Variants in FLRT2 observed in about 807,000 individuals in gnomAD.
FLRT2 encodes the protein leucine-rich repeat transmembrane protein FLRT2.
FLRT2 carries 15 observed loss-of-function variants against 40.0 expected under a neutral mutation model. The ratio of observed to expected loss-of-function variants is 0.38; its 90% CI spans 0.25 to 0.58. FLRT2 has a LOEUF of 0.58. Among genes scored for constraint, FLRT2 ranks in the 20% least tolerant of loss-of-function variants. FLRT2 has a pLI of 0.71. For missense variants in FLRT2, 726 were observed against 840.0 expected, an observed-to-expected ratio of 0.86 and a Z score of 1.68; for synonymous variants, 380 against 336.8, an observed-to-expected ratio of 1.13 and a Z score of -1.41.
intron 1 of FLRT2, among the ~76,000 whole-genome samples, chr14:85,608,250 GAC>G (rs1892712616): frequency 6.6e-6 from 1 of 150,574 alleles, no homozygotes; most frequent in Admixed American, 6.6e-5. Context: ...TCTTTTTTGA[GAC>G]AGAGTCTCAC....
At chr14:85,560,312 C>G (rs548070660) in intron 1 of FLRT2, among the ~76,000 whole-genome samples, 3 of 152,250 alleles carry the variant, frequency 2.0e-5, no homozygotes, top group Non-Finnish European at 4.4e-5. Context: ...GGCGCAGTGG[C>G]TCATGACTGT....
intron 1 of FLRT2, among the ~76,000 whole-genome samples, chr14:85,549,441 T>C (rs528297770): frequency 1.9e-4 from 29 of 152,260 alleles, no homozygotes; most frequent in Middle Eastern, 3.4e-3. Flanking sequence ...TTGAGAGCTG[T>C]GGGCTGAGTA....
chr14:85,621,570 G>A lies in FLRT2; in HGVS notation c.56G>A (p.Trp19Ter). The A allele has an allele frequency of 6.2e-7, 1 of 1,613,662 alleles. No homozygotes were observed. The highest frequency in any genetic ancestry group is 8.5e-7 in the Non-Finnish European group (1 of 1,179,966). Residue 19 changes from tryptophan to a stop codon, truncating the protein, a stop_gained, in exon 2 of 2, where the codon TGG (tryptophan) becomes TAG (stop). Transcript: ENST00000330753. LOFTEE classifies it high-confidence loss of function. ...PSHGAFFLKS[W>*]LIISLGLYSQ... ...CATGGGGCTTTTTTCCTGAAGTCTTGGCTTATCATTTCCCTGGGGCTCTAC... is the reference window on the plus strand; with the variant it reads ...CATGGGGCTTTTTTCCTGAAGTCTTAGCTTATCATTTCCCTGGGGCTCTAC...
intron 1 of FLRT2, among the ~76,000 whole-genome samples, chr14:85,534,914 A>G (rs1335051453): frequency 6.9e-6 from 1 of 145,648 alleles, no homozygotes; most frequent in African/African-American, 2.6e-5. Context: ...TATTATGATC[A>G]TTATTTATTC....
chr14:85,605,386 T>C lies in FLRT2; in HGVS notation c.-376-15753T>C, dbSNP rs571430563. ...AAGGCTGATAGAACCATGATATACA[T>C]TTGAAAACTTATATAGTGTACATGT... is the stretch of plus-strand genomic sequence containing the variant. On this transcript the variant is annotated intron_variant, in intron 1 of 1. Transcript: ENST00000330753. Among the ~76,000 whole-genome samples, 13 of 152,316 alleles carry C rather than the reference T, an allele frequency of 8.5e-5. No homozygotes were observed. The South Asian group carries it at 2.7e-3, about 32-fold the overall frequency.
In FLRT2 at chr14:85,635,428, T is replaced by TAA. The variant is rs1893976768; in HGVS notation, c.*11932_*11933dup. On this transcript the variant is annotated 3_prime_UTR_variant, in exon 2 of 2. Coordinates refer to ENST00000330753, the MANE Select transcript of FLRT2 (RefSeq NM_013231.6). ...AACAAGGAAATACAAACTATATTAC[T>TAA]AAGTAGACTATTAATAAAACACTTT... 1.3e-5 allele frequency: 2 copies of TAA among 152,122 alleles called. No individual in the cohort carries two copies. The highest frequency in any genetic ancestry group is 1.3e-4 in the Admixed American group (2 of 15,268). The allele number at this position is 152,122 out of a possible 1,614,324, so 9.4% of individuals were successfully genotyped here.
chr14:85,536,343 T>C (rs1044301116), intron 1 of FLRT2, among the ~76,000 whole-genome samples: 1 of 152,162 alleles, frequency 6.6e-6, no homozygotes, highest in Non-Finnish European at 1.5e-5. Flanking sequence ...TTGAGCTTTG[T>C]ACTTTACAAG....
At chr14:85,578,505 G>A (rs927822617) in intron 1 of FLRT2, among the ~76,000 whole-genome samples, 2 of 152,038 alleles carry the variant, frequency 1.3e-5, no homozygotes, top group African/African-American at 4.8e-5. Context: ...AGGACGGATG[G>A]CTAAGTGCTG....
chr14:85,623,547 A>C lies in FLRT2; in HGVS notation c.*50A>C, dbSNP rs1893529889. 7.3e-7 allele frequency: 1 copy of C among 1,368,014 alleles called. No homozygotes were observed. Among genetic ancestry groups the C allele is most frequent in the African/African-American group, 1.5e-5 (1 of 68,540 alleles). 84.7% of individuals were successfully genotyped at this position (1,368,014 alleles called of 1,614,324 possible). ...GGCGGACAATTAGACTCTTGAGAAC[A>C]CACTCGTGTGTGCACATAAAGACAC... is the stretch of plus-strand genomic sequence containing the variant. On this transcript the variant is annotated 3_prime_UTR_variant, in exon 2 of 2. Transcript: ENST00000330753.
intron 1 of FLRT2, among the ~76,000 whole-genome samples, chr14:85,565,698 A>T (rs184954954): frequency 6.6e-6 from 1 of 152,304 alleles, no homozygotes; most frequent in East Asian, 1.9e-4. Context: ...TCGAGTTGTC[A>T]TGCTTGAAAG....
In FLRT2 at chr14:85,641,098, C is replaced by T. The variant is rs539179476; in HGVS notation, c.*17601C>T. On this transcript the variant is annotated 3_prime_UTR_variant, in exon 2 of 2. Coordinates refer to ENST00000330753, the MANE Select transcript of FLRT2 (RefSeq NM_013231.6). ...GTATTTAGTCTATGACTTATTTCTG[C>T]GAAAACCCACGAAAGTGAAAACTAA... is the stretch of plus-strand genomic sequence containing the variant. 4 of 152,222 alleles carry T rather than the reference C, an allele frequency of 2.6e-5. No homozygotes were observed. The highest frequency in any genetic ancestry group is 2.1e-4 in the South Asian group (1 of 4,816). 9.4% of individuals were successfully genotyped at this position (152,222 alleles called of 1,614,324 possible).
chr14:85,623,282 G>A lies in FLRT2; in HGVS notation c.1768G>A (p.Glu590Lys), dbSNP rs751520518. The A allele has an allele frequency of 3.3e-6, 5 of 1,516,892 alleles. No homozygotes were observed. Among genetic ancestry groups the A allele is most frequent in the South Asian group, 1.3e-5 (1 of 74,806 alleles). The allele number at this position is 1,516,892 out of a possible 1,614,324, so 94.0% of individuals were successfully genotyped here. Residue 590 changes from glutamate to lysine, a missense_variant, in exon 2 of 2, where the codon GAG becomes AAG. By Grantham distance (56) the Glu-to-Lys change is moderately conservative. This residue lies in a region of FLRT2 where 611 missense variants were observed against 690.0 expected (regional missense o/e 0.89). Coordinates refer to ENST00000330753, the MANE Select transcript of FLRT2 (RefSeq NM_013231.6). ...NRGRRKDDYCEAGTKKDNSIL... is the reference protein window; with the variant it reads ...NRGRRKDDYCKAGTKKDNSIL... ...GGGCCGGCGGAAAGATGATTATTGC[G>A]AGGCAGGCACCAAGAAGGACAACTC...
chr14:85,535,029 C>T (rs1407470350), intron 1 of FLRT2, among the ~76,000 whole-genome samples: 1 of 152,194 alleles, frequency 6.6e-6, no homozygotes, highest in Non-Finnish European at 1.5e-5. Flanking sequence ...AGTTAGCTAA[C>T]CAAGTGTAAG....
chr14:85,588,720 A>AT (rs971378296), intron 1 of FLRT2, among the ~76,000 whole-genome samples: 8 of 151,438 alleles, frequency 5.3e-5, no homozygotes, highest in African/African-American at 1.5e-4. Context: ...TGTTCCTTTT[A>AT]TTTTTTTTCT....
intron 1 of FLRT2, among the ~76,000 whole-genome samples, chr14:85,609,028 A>T (rs1328074241): frequency 3.3e-5 from 5 of 152,226 alleles, no homozygotes; most frequent in Admixed American, 3.3e-4. Context: ...GTGGCAGTGC[A>T]GGGATAACTG....
rs183034499 is a variant in FLRT2, at chr14:85,650,221, C to T, written c.*26724C>T. 8.2e-4 allele frequency: 124 copies of T among 151,990 alleles called. No homozygotes were observed. Among genetic ancestry groups the T allele is most frequent in the African/African-American group, 2.9e-3 (120 of 41,512 alleles). 9.4% of individuals were successfully genotyped at this position (151,990 alleles called of 1,614,324 possible). A position where few individuals can be genotyped will look rare whatever the true frequency, so the allele number is the denominator to read the frequency against. ...ACAATTTCAAACTCTATGAATCATT[C>T]TACATTTTGCTATTTTGTGTTCAAT... On this transcript the variant is annotated 3_prime_UTR_variant, in exon 2 of 2. Transcript: ENST00000330753.
At chr14:85,606,631 T>C (rs1299670058) in intron 1 of FLRT2, among the ~76,000 whole-genome samples, 1 of 150,520 alleles carries the variant, frequency 6.6e-6, no homozygotes, top group Non-Finnish European at 1.5e-5. Flanking sequence ...TTCAAGCGAT[T>C]CTCCTGCCTC....
chr14:85,577,627 C>A (rs990599032), intron 1 of FLRT2, among the ~76,000 whole-genome samples: 2 of 151,876 alleles, frequency 1.3e-5, no homozygotes, highest in African/African-American at 4.8e-5. Flanking sequence ...CACCGTGTTG[C>A]CCAGGTCAGA....
rs1277565910 is a variant in FLRT2 at position 85,645,464 on chromosome 14, G to A, written c.*21967G>A. 1.3e-5 allele frequency: 2 copies of A among 152,042 alleles called. No individual in the cohort carries two copies. Among genetic ancestry groups the A allele is most frequent in the Non-Finnish European group, 2.9e-5 (2 of 68,016 alleles). The allele number at this position is 152,042 out of a possible 1,614,324, so 9.4% of individuals were successfully genotyped here. ...TGCTTCTCAGAGAAACTATAGAGAAGAGGAAACTTCCAAGTGAGCAGGTCT... is the reference window on the plus strand; with the variant it reads ...TGCTTCTCAGAGAAACTATAGAGAAAAGGAAACTTCCAAGTGAGCAGGTCT... On this transcript the variant is annotated 3_prime_UTR_variant, in exon 2 of 2. Transcript: ENST00000330753.
Sources: allele counts gnomAD v4.1 joint callset (sites outside exome capture counted in the v4.1 genomes callset), GRCh38; gene constraint gnomAD v4.1.1; regional missense constraint gnomAD v4.1.1; transcripts MANE v1.5; gene names NCBI Gene and HGNC (gene_info 2026-07-23, HGNC 2026-07-21).